Variants in AMD1 observed in about 807,000 individuals in gnomAD.
AMD1 encodes the protein adenosylmethionine decarboxylase 1, also known as S-adenosylmethionine decarboxylase proenzyme.
In AMD1, 11 loss-of-function variants were observed where a neutral mutation model predicts 40.2. That is an observed-to-expected ratio of 0.27 (90% CI 0.17 to 0.45). AMD1 has a LOEUF of 0.45. Ranked by LOEUF, AMD1 falls within the 20% of genes least tolerant of loss-of-function variation. The pLI is 1.00. For missense variants in AMD1, 257 were observed against 410.2 expected (o/e 0.63, Z 3.23); for synonymous variants, 121 against 130.8 (o/e 0.93, Z 0.51).
the AMD1 span, among the ~76,000 whole-genome samples, chr6:110,843,902 A>G: frequency 6.6e-6 from 1 of 152,048 alleles, no homozygotes; most frequent in Non-Finnish European, 1.5e-5. Context: ...TTCCACTTTT[A>G]AGGACCTTTG....
At chr6:110,836,037 A>AAAG in the AMD1 span, among the ~76,000 whole-genome samples, 2 of 149,252 alleles carry the variant, frequency 1.3e-5, no homozygotes, top group Admixed American at 1.3e-4. Context: ...AAAAAAAAAA[A>AAAG]TCACTGAAGC....
intron 1 of AMD1, among the ~76,000 whole-genome samples, chr6:110,882,206 A>G (rs944993763): frequency 2.6e-5 from 4 of 152,218 alleles, no homozygotes; most frequent in African/African-American, 9.7e-5. Flanking sequence ...ATCTTGGCTC[A>G]CTGCAACCTA....
At chr6:110,815,347 T>G in the AMD1 span, 9 of 389,786 alleles carry the variant, frequency 2.3e-5, no homozygotes, top group East Asian at 4.4e-5. Context: ...TTCCTCCTCC[T>G]CCTCCGCGAC....
In AMD1 at chr6:110,893,689, G is replaced by C; in HGVS notation, c.*73G>C. ...TGGTGGATGCTTTCTAGATGTCGAT[G>C]CTGGGGGCAGTGCTTTCCATAACCA... On this transcript the variant is annotated 3_prime_UTR_variant, in exon 9 of 9. Coordinates refer to ENST00000368885, the MANE Select transcript of AMD1 (RefSeq NM_001634.6). 6.5e-7 allele frequency: 1 copy of C among 1,529,556 alleles called. No homozygotes were observed. Among genetic ancestry groups the C allele is most frequent in the Non-Finnish European group, 8.9e-7 (1 of 1,127,450 alleles). 94.7% of individuals were successfully genotyped at this position (1,529,556 alleles called of 1,614,324 possible). A position where few individuals can be genotyped will look rare whatever the true frequency, so the allele number is the denominator to read the frequency against.
chr6:110,857,424 C>A, the AMD1 span, among the ~76,000 whole-genome samples: 4 of 151,306 alleles, frequency 2.6e-5, no homozygotes, highest in African/African-American at 7.3e-5. Flanking sequence ...CCCAGCTACT[C>A]GGGAGGTTGA....
rs1165878485 is a variant in AMD1, at chr6:110,892,385, C to T, written c.557C>T (p.Pro186Leu). 1.2e-6 allele frequency: 2 copies of T among 1,612,620 alleles called. No individual in the cohort carries two copies. Among genetic ancestry groups the T allele is most frequent in the African/African-American group, 1.3e-5 (1 of 74,864 alleles). ...GAAATTCTGATGAGTGAGCTTGACCCAGCAGTTATGGACCAGTTCTACATG... is the reference window on the plus strand; with the variant it reads ...GAAATTCTGATGAGTGAGCTTGACCTAGCAGTTATGGACCAGTTCTACATG... ...TLEILMSELDPAVMDQFYMKD... is the reference protein window; with the variant it reads ...TLEILMSELDLAVMDQFYMKD... Residue 186 changes from proline (P) to leucine (L), a missense_variant, in exon 6 of 9, where the codon CCA (proline) becomes CTA (leucine). Physicochemically the swap from Pro to Leu is moderately conservative, Grantham distance 98. This residue lies in a region of AMD1 where 192 missense variants were observed against 296.5 expected (regional missense o/e 0.65). Coordinates refer to ENST00000368885, the MANE Select transcript of AMD1 (RefSeq NM_001634.6).
chr6:110,824,172 A>G, the AMD1 span, among the ~76,000 whole-genome samples: 24,004 of 152,182 alleles, frequency 0.16, 2,099 homozygotes, highest in East Asian at 0.32. Context: ...CAACCTAAGT[A>G]CCCATCAACC....
Position 110,874,992 on chromosome 6 carries a change from C to T in AMD1, c.-114C>T, listed in dbSNP as rs1785018764. On this transcript the variant is annotated 5_prime_UTR_variant, in exon 1 of 9. Coordinates refer to ENST00000368885, the MANE Select transcript of AMD1 (RefSeq NM_001634.6). ...AATTATAGCAAAAAAAAAAAGGAAC[C>T]TGAACTTTAGTAACACAGCTGGAAC... 2.8e-6 allele frequency: 2 copies of T among 712,348 alleles called. No homozygotes were observed. Among genetic ancestry groups the T allele is most frequent in the East Asian group, 3.0e-5 (1 of 33,858 alleles). 44.1% of individuals were successfully genotyped at this position (712,348 alleles called of 1,614,324 possible). A position where few individuals can be genotyped will look rare whatever the true frequency, so the allele number is the denominator to read the frequency against.
the AMD1 span, among the ~76,000 whole-genome samples, chr6:110,819,628 G>A: frequency 1.2e-4 from 18 of 152,302 alleles, no homozygotes; most frequent in Non-Finnish European, 2.4e-4. Context: ...CGAATTGGAA[G>A]TACCTATGGG....
upstream of AMD1, among the ~76,000 whole-genome samples, chr6:110,870,521 G>T (rs1484552923): frequency 6.6e-6 from 1 of 152,158 alleles, no homozygotes; most frequent in African/African-American, 2.4e-5. Context: ...TACGTGGGAG[G>T]CTGAGGTGGG....
chr6:110,890,716 T>C (rs1785967833), intron 4 of AMD1: 1 of 157,300 alleles, frequency 6.4e-6, no homozygotes, highest in East Asian at 1.9e-4. Flanking sequence ...CTTGAACGCC[T>C]GGGCTCAAGG....
At chr6:110,850,174 A>G in the AMD1 span, among the ~76,000 whole-genome samples, 6 of 152,324 alleles carry the variant, frequency 3.9e-5, no homozygotes. Flanking sequence ...AAACTAAAAA[A>G]AAGAACTGAT....
At chr6:110,838,579 C>T in the AMD1 span, among the ~76,000 whole-genome samples, 2 of 151,814 alleles carry the variant, frequency 1.3e-5, no homozygotes, top group African/African-American at 2.4e-5. Context: ...TACTTTCCAG[C>T]GGGGAGCAGT....
At chr6:110,817,581 C>CCTGGGCAACAA in the AMD1 span, among the ~76,000 whole-genome samples, 1 of 152,134 alleles carries the variant, frequency 6.6e-6, no homozygotes, top group Non-Finnish European at 1.5e-5. Context: ...TGCACTCCAG[C>CCTGGGCAACAA]CTGGGCAACA....
the AMD1 span, among the ~76,000 whole-genome samples, chr6:110,840,011 CTCTT>C: frequency 7.2e-6 from 1 of 139,274 alleles, no homozygotes. Flanking sequence ...AGGATTCTCT[CTCTT>C]TTTTTTTTTT....
the AMD1 span, among the ~76,000 whole-genome samples, chr6:110,831,831 C>A: frequency 2.0e-5 from 3 of 151,988 alleles, no homozygotes; most frequent in Non-Finnish European, 4.4e-5. Flanking sequence ...GTTTTATATG[C>A]AATTCTTTTT....
At chr6:110,852,544 A>G in the AMD1 span, among the ~76,000 whole-genome samples, 1 of 152,084 alleles carries the variant, frequency 6.6e-6, no homozygotes, top group East Asian at 1.9e-4. Context: ...AATATTATGT[A>G]GCTATTCATG....
chr6:110,852,534 A>G, the AMD1 span, among the ~76,000 whole-genome samples: 7 of 152,128 alleles, frequency 4.6e-5, no homozygotes, highest in East Asian at 1.3e-3. Context: ...ATGAATTCTT[A>G]ATATTATGTA....
chr6:110,889,203 A>G, intron 3 of AMD1: 1 of 345,892 alleles, frequency 2.9e-6, no homozygotes, highest in Non-Finnish European at 5.0e-6. Flanking sequence ...GGAGAAAGAA[A>G]TGAAGAAGCC....
Sources: allele counts gnomAD v4.1 joint callset (sites outside exome capture counted in the v4.1 genomes callset), GRCh38; gene constraint gnomAD v4.1.1; regional missense constraint gnomAD v4.1.1; transcripts MANE v1.5; gene names NCBI Gene and HGNC (gene_info 2026-07-23, HGNC 2026-07-21).